The following CYTH1 variants were observed in gnomAD, a reference collection of about 807,000 sequenced individuals.
CYTH1 encodes cytohesin 1.
In CYTH1, 18 loss-of-function variants were observed where a neutral mutation model predicts 61.8. The ratio of observed to expected loss-of-function variants is 0.29; its 90% CI spans 0.20 to 0.43. The LOEUF (loss-of-function observed/expected upper bound fraction) is 0.43, where lower values mean the gene tolerates loss of function less well. CYTH1 is among the 20% of genes least tolerant of loss of function. The pLI, the probability that CYTH1 is intolerant of heterozygous loss-of-function variation, is 1.00. For missense variants in CYTH1, 336 were observed against 510.5 expected (o/e 0.66, Z 3.29); for synonymous variants, 174 against 184.3 (o/e 0.94, Z 0.45).
At position 78,734,835 on chromosome 17, in the gene CYTH1, T is replaced by TA. The variant is rs555644762; in HGVS notation, c.23-25104dup. Among the ~76,000 whole-genome samples, 460 of 152,292 alleles carry TA rather than the reference T, an allele frequency of 3.0e-3. 1 individual carries two copies. The highest frequency in any genetic ancestry group is 5.3e-3 in the Non-Finnish European group (360 of 68,010). ...AAGAATATTTTCAAAAACCCCCACA[T>TA]ACCCTTTCTTAGGCGTGTTCTTTAG... On this transcript the variant is annotated intron_variant, in intron 1 of 13. Transcript: ENST00000446868.
At chr17:78,683,966 T>A (rs904426854) in intron 11 of CYTH1, among the ~76,000 whole-genome samples, 2 of 152,218 alleles carry the variant, frequency 1.3e-5, no homozygotes, top group Admixed American at 1.3e-4. Flanking sequence ...GTATGTGACA[T>A]AATGTATACT....
At chr17:78,763,589 TAAAG>T (rs2093437070) in intron 1 of CYTH1, among the ~76,000 whole-genome samples, 1 of 151,882 alleles carries the variant, frequency 6.6e-6, no homozygotes, top group Non-Finnish European at 1.5e-5. Flanking sequence ...AAACTAATAA[TAAAG>T]AACATTATAA....
At chr17:78,695,979 G>A in intron 10 of CYTH1, 28 bp downstream of exon 10, 2 of 1,367,816 alleles carry the variant, frequency 1.5e-6, no homozygotes, top group Non-Finnish European at 2.0e-6. Flanking sequence ...GCCTAGCAGA[G>A]CGAGCGAGCA....
chr17:78,750,801 C>CAA (rs201658926), intron 1 of CYTH1, among the ~76,000 whole-genome samples: 3 of 126,852 alleles, frequency 2.4e-5, no homozygotes, highest in South Asian at 2.4e-4. Context: ...GACTCCATCT[C>CAA]AAAAAAAAAA....
intron 1 of CYTH1, among the ~76,000 whole-genome samples, chr17:78,772,003 T>C (rs931179398): frequency 6.6e-6 from 1 of 152,218 alleles, no homozygotes; most frequent in African/African-American, 2.4e-5. Flanking sequence ...TTTCAGAGGA[T>C]GTGGGATTCA....
intron 11 of CYTH1, among the ~76,000 whole-genome samples, chr17:78,690,552 C>T (rs779104671): frequency 1.1e-4 from 17 of 150,794 alleles, no homozygotes; most frequent in Non-Finnish European, 1.9e-4. Context: ...CAAAAAAAAA[C>T]GGATGTGGTG....
chr17:78,704,914 C>T (rs1344978426), intron 3 of CYTH1, among the ~76,000 whole-genome samples: 1 of 152,130 alleles, frequency 6.6e-6, no homozygotes, highest in Non-Finnish European at 1.5e-5. Flanking sequence ...TCAACAGCTG[C>T]CTTAGGAAAC....
chr17:78,692,585 G>A, intron 10 of CYTH1, 92 bp from the exon 11 acceptor site: 6 of 1,240,556 alleles, frequency 4.8e-6, no homozygotes, highest in South Asian at 3.7e-5. Context: ...TCTCAGAGAG[G>A]GTTGGGGGAG....
At chr17:78,771,277 T>A (rs1022324263) in intron 1 of CYTH1, among the ~76,000 whole-genome samples, 1 of 151,066 alleles carries the variant, frequency 6.6e-6, no homozygotes, top group Non-Finnish European at 1.5e-5. Flanking sequence ...TAAAATAAAA[T>A]AAAAATGTAA....
chr17:78,705,067 C>T (rs1406419076), intron 3 of CYTH1, among the ~76,000 whole-genome samples: 1 of 152,120 alleles, frequency 6.6e-6, no homozygotes, highest in African/African-American at 2.4e-5. Context: ...TATTTCCAAA[C>T]AAATACCACA....
rs550845748 is a variant in CYTH1 at position 78,699,798 on chromosome 17, G to A, written c.550+533C>T. On this transcript the variant is annotated intron_variant, in intron 7 of 13. Coordinates refer to ENST00000446868, the MANE Select transcript of CYTH1 (RefSeq NM_004762.6). ...AACAATATGGGTTTCTTTAGTTTTT[G>A]TTTTGAGACAGGGTCTCACTCTGTC... Among the ~76,000 whole-genome samples the A allele has an allele frequency of 2.0e-5, 3 of 152,092 alleles. No homozygotes were observed. In the East Asian group the frequency reaches 5.8e-4, roughly 29 times the overall value.
intron 1 of CYTH1, among the ~76,000 whole-genome samples, chr17:78,728,158 A>G (rs2144579711): frequency 6.6e-6 from 1 of 152,322 alleles, no homozygotes; most frequent in African/African-American, 2.4e-5. Flanking sequence ...TCTCATCTAG[A>G]CAGGAAAAAG....
chr17:78,773,325 T>TA (rs1373733184), intron 1 of CYTH1, among the ~76,000 whole-genome samples: 2 of 151,758 alleles, frequency 1.3e-5, no homozygotes, highest in African/African-American at 4.8e-5. Flanking sequence ...AGAAAAATTA[T>TA]AGTTTCAAAA....
intron 1 of CYTH1, among the ~76,000 whole-genome samples, chr17:78,731,755 C>CAAAAAAAAAA (rs376349109): frequency 9.5e-4 from 69 of 72,986 alleles, no homozygotes; most frequent in East Asian, 1.9e-3. Context: ...GACTCCGTCT[C>CAAAAAAAAAA]AAAAAAAAAA....
At chr17:78,776,855 G>C (rs1487607328) in intron 1 of CYTH1, among the ~76,000 whole-genome samples, 5 of 150,684 alleles carry the variant, frequency 3.3e-5, no homozygotes, top group Non-Finnish European at 3.0e-5. Flanking sequence ...GCCAGGTGCA[G>C]TGGCTCACAC....
intron 2 of CYTH1, chr17:78,709,210 T>C: frequency 6.1e-6 from 1 of 162,834 alleles, no homozygotes. Context: ...ATCTGACAGA[T>C]GAAGAAACTG....
intron 1 of CYTH1, among the ~76,000 whole-genome samples, chr17:78,775,204 C>A (rs2093486254): frequency 6.6e-6 from 1 of 152,234 alleles, no homozygotes; most frequent in Admixed American, 6.5e-5. Flanking sequence ...GCTGAACACC[C>A]TGACAGTCTC....
chr17:78,750,793 C>T (rs2093377066), intron 1 of CYTH1, among the ~76,000 whole-genome samples: 1 of 131,248 alleles, frequency 7.6e-6, no homozygotes, highest in African/African-American at 2.7e-5. Flanking sequence ...GAGAGCGAGA[C>T]TCCATCTCAA....
intron 1 of CYTH1, among the ~76,000 whole-genome samples, chr17:78,768,595 C>T (rs1453620303): frequency 6.6e-6 from 1 of 152,118 alleles, no homozygotes; most frequent in Non-Finnish European, 1.5e-5. Flanking sequence ...CAAACACTGG[C>T]AACCAAATCC....
Sources: allele counts gnomAD v4.1 joint callset (sites outside exome capture counted in the v4.1 genomes callset), GRCh38; gene constraint gnomAD v4.1.1; transcripts MANE v1.5; gene names NCBI Gene and HGNC (gene_info 2026-07-23, HGNC 2026-07-21).